NID1: variants seen among roughly 807,000 people sequenced by gnomAD.
The protein encoded by NID1 is nidogen 1.
In NID1, 76 loss-of-function variants were observed where a neutral mutation model predicts 130.6. That is an observed-to-expected ratio of 0.58 (90% CI 0.48 to 0.70). The LOEUF (loss-of-function observed/expected upper bound fraction) is 0.70. Among genes scored for constraint, NID1 ranks in the 30% least tolerant of loss-of-function variants. The probability of loss-of-function intolerance (pLI) is 0.00; values close to 1 mark genes in which losing one functional copy is unlikely to be tolerated. For missense variants in NID1, 1,517 were observed against 1,664.8 expected, an observed-to-expected ratio of 0.91 and a Z score of 1.54; for synonymous variants, 665 against 675.1, an observed-to-expected ratio of 0.98 and a Z score of 0.23.
chr1:236,018,546 A>T (rs1658665398), intron 9 of NID1, among the ~76,000 whole-genome samples: 1 of 152,184 alleles, frequency 6.6e-6, no homozygotes, highest in African/African-American at 2.4e-5. Context: ...CAAGAAACTG[A>T]GCTAACCTGT....
chr1:235,994,750 G>A (rs1447538585), intron 12 of NID1, among the ~76,000 whole-genome samples: 1 of 148,632 alleles, frequency 6.7e-6, no homozygotes, highest in East Asian at 2.0e-4. Flanking sequence ...AGGCTGGAGT[G>A]CAGTGGCATG....
rs577845908 is a variant in NID1 at position 236,023,430 on chromosome 1, G to A, written c.2128+640C>T. Reference sequence around the variant, plus strand: ...AATCAAATGCATAGAGACAGAAAGTGGAATGGTGATTGCCAAAGACTGAAG... The same window carrying A: ...AATCAAATGCATAGAGACAGAAAGTAGAATGGTGATTGCCAAAGACTGAAG... On this transcript the variant is annotated intron_variant, in intron 9 of 19. Coordinates refer to ENST00000264187, the MANE Select transcript of NID1 (RefSeq NM_002508.3). 2.0e-5 allele frequency among the ~76,000 whole-genome samples: 3 copies of A among 152,296 alleles called. No homozygotes were observed. The South Asian group carries it at 6.2e-4, about 32-fold the overall frequency.
intron 12 of NID1, among the ~76,000 whole-genome samples, chr1:236,010,323 G>A (rs1248215924): frequency 3.0e-5 from 1 of 33,874 alleles, no homozygotes; most frequent in South Asian, 9.5e-4. Flanking sequence ...TTTTTTTTTT[G>A]AGACAGAATC....
At chr1:235,984,377 C>T (rs902572751) in intron 15 of NID1, among the ~76,000 whole-genome samples, 27 of 152,116 alleles carry the variant, frequency 1.8e-4, no homozygotes, top group African/African-American at 6.3e-4. Flanking sequence ...TCATTCCTGC[C>T]GCATCATCTT....
intron 14 of NID1, among the ~76,000 whole-genome samples, chr1:235,990,299 T>G (rs143341782): frequency 2.0e-5 from 3 of 152,168 alleles, no homozygotes; most frequent in African/African-American, 7.2e-5. Flanking sequence ...CCAAGAATCT[T>G]CAAGTAGACT....
rs34826236 is a variant in NID1, at chr1:236,037,660, G to GA, written c.1285+443dup. ...GTGACAGAGTAAGACTCTGTCTCAAGAAAAAAAAAAACATAGGTCTGTGAG... is the reference window on the plus strand; with the variant it reads ...GTGACAGAGTAAGACTCTGTCTCAAGAAAAAAAAAAAACATAGGTCTGTGAG... On this transcript the variant is annotated intron_variant, in intron 5 of 19. Transcript: ENST00000264187. Among the ~76,000 whole-genome samples the GA allele has an allele frequency of 6.5e-4, 83 of 127,888 alleles. 1 individual carries two copies. Among genetic ancestry groups the GA allele is most frequent in the Middle Eastern group, 4.1e-3 (1 of 244 alleles). The allele number at this position is 127,888 out of a possible 152,430, so 83.9% of individuals were successfully genotyped here.
chr1:236,012,946 GAGTCATTTATACTTTGACTCCGC>G (rs1164164184), intron 11 of NID1, among the ~76,000 whole-genome samples: 1 of 152,206 alleles, frequency 6.6e-6, no homozygotes, highest in Non-Finnish European at 1.5e-5. Context: ...GGATTCTATT[GAGTCATTTATACTTTGACTCCGC>G]AGTCATTTAT....
intron 1 of NID1, among the ~76,000 whole-genome samples, chr1:236,050,343 C>G (rs1659731495): frequency 6.6e-6 from 1 of 151,974 alleles, no homozygotes; most frequent in African/African-American, 2.4e-5. Context: ...CACCTGAGGT[C>G]AGGAGTTCGA....
rs1471734268 is a variant in NID1 at position 235,977,950 on chromosome 1, G to A, written c.3661C>T (p.His1221Tyr). The A allele has an allele frequency of 3.7e-6, 6 of 1,614,072 alleles. No homozygotes were observed. The highest frequency in any genetic ancestry group is 1.7e-4 in the Middle Eastern group (1 of 6,060). The change falls in exon 20 of 20, where the codon CAC (histidine) becomes TAC (tyrosine). Residue 1221 changes from histidine (H) to tyrosine (Y), a missense_variant. Physicochemically the swap from His to Tyr is moderately conservative, Grantham distance 83. This residue lies in a region of NID1 where 181 missense variants were observed against 211.3 expected (regional missense o/e 0.86). Coordinates refer to ENST00000264187, the MANE Select transcript of NID1 (RefSeq NM_002508.3). ...CTCCCTGGGGTGGCCAAGCATAGGTGGGTGCAGCCGCCATTGTTCACTGAG... is the reference window on the plus strand; with the variant it reads ...CTCCCTGGGGTGGCCAAGCATAGGTAGGTGCAGCCGCCATTGTTCACTGAG... ...YCSVNNGGCTHLCLATPGSRT... is the reference protein window; with the variant it reads ...YCSVNNGGCTYLCLATPGSRT...
chr1:236,035,150 C>G (rs1260551627), intron 5 of NID1, among the ~76,000 whole-genome samples: 4 of 107,568 alleles, frequency 3.7e-5, no homozygotes, highest in Admixed American at 9.9e-5. Context: ...CCCCTCCCCC[C>G]ACCCCACCAC....
chr1:236,055,436 G>T (rs894977775), intron 1 of NID1, among the ~76,000 whole-genome samples: 1 of 152,040 alleles, frequency 6.6e-6, no homozygotes, highest in Non-Finnish European at 1.5e-5. Context: ...ATACATGGGA[G>T]TTCATTATAT....
chr1:236,047,844 T>C lies in NID1; in HGVS notation c.525+846A>G, dbSNP rs187652525. On this transcript the variant is annotated intron_variant, in intron 2 of 19. Transcript: ENST00000264187. ...CAGTTGGAGACCAGCCTGGCCAATG[T>C]GGTGAAACCCCATCTCTACTAAAAA... 1.4e-3 allele frequency among the ~76,000 whole-genome samples: 208 copies of C among 148,926 alleles called. 1 individual carries two copies. The highest frequency in any genetic ancestry group is 5.0e-3 in the African/African-American group (200 of 40,078).
At chr1:236,053,897 G>A (rs528625121) in intron 1 of NID1, among the ~76,000 whole-genome samples, 29 of 152,278 alleles carry the variant, frequency 1.9e-4, no homozygotes, top group South Asian at 8.3e-4. Flanking sequence ...CATTACTGCC[G>A]TTCTTGCCAC....
At chr1:235,994,255 C>T (rs200392266) in intron 12 of NID1, among the ~76,000 whole-genome samples, 3 of 152,180 alleles carry the variant, frequency 2.0e-5, no homozygotes, top group African/African-American at 7.2e-5. Context: ...CTCTGCCTCT[C>T]GGGTTCAAGT....
chr1:236,005,000 C>A (rs538040514), intron 12 of NID1, among the ~76,000 whole-genome samples: 5 of 151,848 alleles, frequency 3.3e-5, no homozygotes, highest in African/African-American at 9.7e-5. Flanking sequence ...CACGGTGAAA[C>A]CCCATCTCTA....
At position 236,048,741 on chromosome 1, in the gene NID1, T is replaced by C. The variant is rs199788852; in HGVS notation, c.474A>G (p.Glu158=). The change falls in exon 2 of 20, where the codon GAA becomes GAG. Residue 158 remains glutamate (E), a synonymous_variant. Coordinates refer to ENST00000264187, the MANE Select transcript of NID1 (RefSeq NM_002508.3). ...QPSSAVVVTW[E]SVAPYQGPSR... ...TGGGCCCTTGGTAGGGGGCCACGGA[T>C]TCCCAAGTGACAACCACCGCGCTAC... 1.1e-5 allele frequency: 18 copies of C among 1,612,900 alleles called. No individual in the cohort carries two copies. In the East Asian group the frequency reaches 4.0e-4, roughly 36 times the overall value.
chr1:236,042,120 C>T lies in NID1; in HGVS notation c.925G>A (p.Gly309Ser), dbSNP rs759572806. 3.7e-6 allele frequency: 6 copies of T among 1,614,120 alleles called. No individual in the cohort carries two copies. The highest frequency in any genetic ancestry group is 1.3e-5 in the African/African-American group (1 of 75,010). ...ATTRLGLEDV[G>S]TTPFSYKALR... ...GCCTTGTAGGAGAAGGGCGTGGTGCCCACATCCTCCAGGCCCAGACGAGTG... is the reference window on the plus strand; with the variant it reads ...GCCTTGTAGGAGAAGGGCGTGGTGCTCACATCCTCCAGGCCCAGACGAGTG... Residue 309 changes from glycine to serine, a missense_variant, in exon 4 of 20, where the codon GGC becomes AGC. This residue lies in a region of NID1 where 1,329 missense variants were observed against 1,429.2 expected (regional missense o/e 0.93). Coordinates refer to ENST00000264187, the MANE Select transcript of NID1 (RefSeq NM_002508.3).
At chr1:236,005,222 AGATATAGGCGG>A (rs1658213904) in intron 12 of NID1, among the ~76,000 whole-genome samples, 1 of 140,780 alleles carries the variant, frequency 7.1e-6, no homozygotes, top group African/African-American at 2.4e-5. Context: ...GAGAAGGCCC[AGATATAGGCGG>A]GGGGTGGGGA....
At chr1:235,994,815 G>C (rs748432988) in intron 12 of NID1, among the ~76,000 whole-genome samples, 5 of 151,754 alleles carry the variant, frequency 3.3e-5, no homozygotes, top group Non-Finnish European at 7.4e-5. Flanking sequence ...TCCTGCCCTA[G>C]GCTCCCGCAT....
Sources: allele counts gnomAD v4.1 joint callset (sites outside exome capture counted in the v4.1 genomes callset), GRCh38; gene constraint gnomAD v4.1.1; regional missense constraint gnomAD v4.1.1; transcripts MANE v1.5; gene names NCBI Gene and HGNC (gene_info 2026-07-23, HGNC 2026-07-21).